The following PALM2AKAP2 variants were observed in gnomAD, a reference collection of about 807,000 sequenced individuals.
PALM2AKAP2 encodes the protein PALM2 and AKAP2 fusion, also known as PALM2-AKAP2 fusion protein.
A neutral mutation model predicts 71.5 loss-of-function variants in PALM2AKAP2; 37 were observed. The ratio of observed to expected loss-of-function variants is 0.52; its 90% confidence interval spans 0.40 to 0.68. PALM2AKAP2 has a LOEUF of 0.68. PALM2AKAP2 is among the 30% of genes least tolerant of loss of function. The pLI, the probability that PALM2AKAP2 is intolerant of heterozygous loss-of-function variation, is 0.00. For synonymous variants in PALM2AKAP2, 468 were observed against 478.8 expected (o/e 0.98, Z 0.29); for missense variants, 1,224 against 1,191.8 (o/e 1.03, Z -0.40).
chr9:109,915,631 G>C (rs933634409), intron 3 of PALM2AKAP2, among the ~76,000 whole-genome samples: 1 of 152,050 alleles, frequency 6.6e-6, no homozygotes, highest in Non-Finnish European at 1.5e-5. Context: ...TACTTCATGG[G>C]ATATTGTGAA....
chr9:110,107,579 A>G (rs1005868484), intron 1 of PALM2AKAP2, among the ~76,000 whole-genome samples: 1 of 151,938 alleles, frequency 6.6e-6, no homozygotes, highest in Admixed American at 6.6e-5. Context: ...TTTTTTTTAG[A>G]GTGGGGAGAC....
intron 1 of PALM2AKAP2, among the ~76,000 whole-genome samples, chr9:110,083,157 A>C (rs564882587): frequency 1.3e-5 from 2 of 152,266 alleles, no homozygotes; most frequent in East Asian, 3.9e-4. Context: ...AAGCAAAAAA[A>C]CAAAAAACAA....
chr9:109,695,696 A>C (rs1373977678), intron 1 of PALM2AKAP2, among the ~76,000 whole-genome samples: 1 of 152,200 alleles, frequency 6.6e-6, no homozygotes, highest in Non-Finnish European at 1.5e-5. Flanking sequence ...ATTCCATATA[A>C]AAAAGAATGA....
At chr9:110,160,800 G>A (rs949171519) in intron 3 of PALM2AKAP2, among the ~76,000 whole-genome samples, 1 of 152,116 alleles carries the variant, frequency 6.6e-6, no homozygotes, top group Non-Finnish European at 1.5e-5. Flanking sequence ...TTTACTTTTA[G>A]CGCAGGATCT....
chr9:109,786,949 A>T (rs927875408), intron 1 of PALM2AKAP2, among the ~76,000 whole-genome samples: 1 of 152,144 alleles, frequency 6.6e-6, no homozygotes, highest in African/African-American at 2.4e-5. Context: ...GGCCCCTTTG[A>T]ACTCTCCACA....
At chr9:109,977,027 T>A (rs1832183826) in intron 6 of PALM2AKAP2, among the ~76,000 whole-genome samples, 2 of 151,860 alleles carry the variant, frequency 1.3e-5, no homozygotes, top group African/African-American at 4.8e-5. Context: ...CTGAAGGGCT[T>A]GTTTAAAAAA....
At chr9:110,090,876 A>G (rs530087413) in intron 1 of PALM2AKAP2, among the ~76,000 whole-genome samples, 34 of 152,234 alleles carry the variant, frequency 2.2e-4, no homozygotes, top group African/African-American at 7.2e-4. Context: ...ATAATGTTAG[A>G]TGCACTGTGG....
chr9:110,068,245 C>T (rs1048466659), intron 1 of PALM2AKAP2, among the ~76,000 whole-genome samples: 1 of 150,070 alleles, frequency 6.7e-6, no homozygotes, highest in South Asian at 2.1e-4. Flanking sequence ...CAGCAGATTT[C>T]ACTTGGCTGA....
chr9:109,820,203 GA>G (rs1457465179), intron 1 of PALM2AKAP2, among the ~76,000 whole-genome samples: 16 of 152,280 alleles, frequency 1.1e-4, no homozygotes, highest in African/African-American at 3.6e-4. Context: ...AGAACTCTTT[GA>G]AATCTAATTT....
At chr9:109,885,794 G>C (rs1039690574) in intron 3 of PALM2AKAP2, among the ~76,000 whole-genome samples, 1 of 152,174 alleles carries the variant, frequency 6.6e-6, no homozygotes. Context: ...ATTTGAAGTG[G>C]ATTAGAAACA....
intron 2 of PALM2AKAP2, among the ~76,000 whole-genome samples, chr9:110,142,118 C>A (rs563634580): frequency 2.5e-4 from 36 of 143,148 alleles, no homozygotes; most frequent in Middle Eastern, 3.8e-3. Context: ...GTCTCCCAGG[C>A]TGGAGTGCAA....
At chr9:109,671,016 T>C (rs1024551645) in intron 1 of PALM2AKAP2, among the ~76,000 whole-genome samples, 1 of 152,246 alleles carries the variant, frequency 6.6e-6, no homozygotes, top group African/African-American at 2.4e-5. Flanking sequence ...TTATGCTGGA[T>C]ATTAGACCTT....
At chr9:109,957,758 G>C (rs1564233400) in intron 6 of PALM2AKAP2, among the ~76,000 whole-genome samples, 1 of 152,118 alleles carries the variant, frequency 6.6e-6, no homozygotes, top group African/African-American at 2.4e-5. Flanking sequence ...TGCTATGAGG[G>C]CCCCCACTCC....
intron 1 of PALM2AKAP2, among the ~76,000 whole-genome samples, chr9:109,763,260 C>T (rs1289133597): frequency 6.6e-6 from 1 of 152,112 alleles, no homozygotes; most frequent in Non-Finnish European, 1.5e-5. Context: ...TCCTGCCCAC[C>T]ATCCATTGCC....
chr9:109,786,012 CT>C (rs1412845185), intron 1 of PALM2AKAP2, among the ~76,000 whole-genome samples: 2 of 152,224 alleles, frequency 1.3e-5, no homozygotes, highest in Admixed American at 6.5e-5. Flanking sequence ...GAGTTTATGG[CT>C]TTCATCTGAT....
chr9:109,663,587 G>A (rs1266667734), intron 1 of PALM2AKAP2, among the ~76,000 whole-genome samples: 25 of 152,198 alleles, frequency 1.6e-4, no homozygotes, highest in Admixed American at 1.6e-3. Flanking sequence ...TACATTTGCT[G>A]AGGAGGGCTT....
chr9:110,049,593 C>T (rs532410586), intron 1 of PALM2AKAP2, among the ~76,000 whole-genome samples: 2 of 152,222 alleles, frequency 1.3e-5, no homozygotes, highest in South Asian at 4.2e-4. Flanking sequence ...GAGTTTGCGT[C>T]TCTGTGGGCC....
intron 1 of PALM2AKAP2, among the ~76,000 whole-genome samples, chr9:109,661,926 C>G (rs542661181): frequency 2.0e-5 from 3 of 152,250 alleles, no homozygotes; most frequent in South Asian, 4.1e-4. Context: ...CTCTTTGAAG[C>G]AATTGTGAAT....
chr9:109,737,284 C>A (rs1828651432), intron 1 of PALM2AKAP2, among the ~76,000 whole-genome samples: 1 of 152,198 alleles, frequency 6.6e-6, no homozygotes, highest in East Asian at 1.9e-4. Flanking sequence ...AACTGGGTGG[C>A]CTGAGTGGTC....
Sources: gnomAD v4.1 joint callset for allele counts (sites outside exome capture counted in the v4.1 genomes callset) on GRCh38, gnomAD v4.1.1 for gene constraint, MANE v1.5 for transcripts, NCBI Gene and HGNC (gene_info 2026-07-23, HGNC 2026-07-21) for gene names.